TRMT9B: variants seen among roughly 807,000 people sequenced by gnomAD.
The protein encoded by TRMT9B is tRNA methyltransferase 9B (putative).
In TRMT9B, 16 loss-of-function variants were observed where a neutral mutation model predicts 11.5. The ratio of observed to expected loss-of-function variants is 1.39; its 90% CI spans 0.94 to 2.11. The LOEUF is 2.11. Ranked by LOEUF, TRMT9B falls within the 30% of genes most tolerant of loss-of-function variation. The pLI, the probability that TRMT9B is intolerant of heterozygous loss-of-function variation, is 0.00. For missense variants in TRMT9B, 941 were observed against 553.8 expected (o/e 1.70, Z -7.02); for synonymous variants, 274 against 192.4 (o/e 1.42, Z -3.51).
chr8:13,014,623 G>C (rs754393647), intron 4 of TRMT9B, among the ~76,000 whole-genome samples: 1 of 152,232 alleles, frequency 6.6e-6, no homozygotes, highest in East Asian at 1.9e-4. Flanking sequence ...TTAGGGCTTC[G>C]ACATGTTGGT....
At chr8:13,000,148 T>A (rs1281205156) in intron 2 of TRMT9B, among the ~76,000 whole-genome samples, 2 of 152,160 alleles carry the variant, frequency 1.3e-5, no homozygotes, top group African/African-American at 4.8e-5. Flanking sequence ...GAACATTTCA[T>A]TGCAGTGATA....
At chr8:13,016,857 G>GCCCC (rs1812805486) in intron 4 of TRMT9B, among the ~76,000 whole-genome samples, 1 of 148,574 alleles carries the variant, frequency 6.7e-6, no homozygotes, top group Admixed American at 6.9e-5. Context: ...TAGTATGTGG[G>GCCCC]CCCCCACAAT....
chr8:12,992,527 A>G (rs960863942), intron 2 of TRMT9B, among the ~76,000 whole-genome samples: 4 of 151,904 alleles, frequency 2.6e-5, no homozygotes, highest in Non-Finnish European at 5.9e-5. Context: ...ACAAACTTAG[A>G]TGGTCATGAA....
chr8:12,973,886 G>A (rs934174227), intron 1 of TRMT9B, among the ~76,000 whole-genome samples: 1 of 152,170 alleles, frequency 6.6e-6, no homozygotes, highest in African/African-American at 2.4e-5. Flanking sequence ...TTGGCCATAT[G>A]CGGTGGCTCA....
At chr8:12,993,052 T>G (rs1243521735) in intron 2 of TRMT9B, among the ~76,000 whole-genome samples, 1 of 152,124 alleles carries the variant, frequency 6.6e-6, no homozygotes, top group Non-Finnish European at 1.5e-5. Flanking sequence ...AGCAAAGACC[T>G]GAATAAGGTC....
At chr8:12,978,537 TAGATAGATAGATA>T (rs1804825260) in intron 1 of TRMT9B, among the ~76,000 whole-genome samples, 1 of 151,722 alleles carries the variant, frequency 6.6e-6, no homozygotes, top group Non-Finnish European at 1.5e-5. Flanking sequence ...GATAGATAGA[TAGATAGATAGATA>T]GATAGATAGA....
chr8:13,015,333 C>T (rs563186126), intron 4 of TRMT9B, among the ~76,000 whole-genome samples: 11 of 151,934 alleles, frequency 7.2e-5, no homozygotes, highest in Non-Finnish European at 1.2e-4. Context: ...TGTCTCGCCT[C>T]CCTAACCTTC....
chr8:12,961,807 C>T (rs1254398438), intron 1 of TRMT9B: 1 of 151,740 alleles, frequency 6.6e-6, no homozygotes, highest in Non-Finnish European at 1.5e-5. Flanking sequence ...ATTAACAAAA[C>T]AGAGCAGCTC....
chr8:12,963,778 TA>T, intron 1 of TRMT9B, among the ~76,000 whole-genome samples: 1 of 152,202 alleles, frequency 6.6e-6, no homozygotes, highest in Non-Finnish European at 1.5e-5. Flanking sequence ...ACAAGTTTTT[TA>T]AAACCTTGTG....
At chr8:12,997,288 T>A (rs1808536977) in intron 2 of TRMT9B, among the ~76,000 whole-genome samples, 1 of 129,990 alleles carries the variant, frequency 7.7e-6, no homozygotes, top group African/African-American at 2.6e-5. Context: ...TCAGTTCACA[T>A]GAGAGCTGGT....
At chr8:12,965,455 C>A (rs574750801) in intron 1 of TRMT9B, among the ~76,000 whole-genome samples, 1 of 152,158 alleles carries the variant, frequency 6.6e-6, no homozygotes, top group Non-Finnish European at 1.5e-5. Context: ...GTGTGGCCAG[C>A]CTTCCCCAGC....
rs1585477461 is a variant in TRMT9B, at chr8:13,028,800, T to C, written c.*6756T>C. The C allele has an allele frequency of 6.0e-6, 1 of 166,536 alleles. No individual in the cohort carries two copies. 10.3% of individuals were successfully genotyped at this position (166,536 alleles called of 1,614,324 possible). A position where few individuals can be genotyped will look rare whatever the true frequency, so the allele number is the denominator to read the frequency against. On this transcript the variant is annotated 3_prime_UTR_variant, in exon 5 of 5. Transcript: ENST00000524591. The stretch of plus-strand genomic sequence containing the variant: ...TTCACCATGTTGGCCAGGCTGGTCT[T>C]GAACTCCTGACCTCTTACGAGCTAA...
intron 1 of TRMT9B, among the ~76,000 whole-genome samples, chr8:12,946,883 A>C (rs1316933990): frequency 6.6e-6 from 1 of 152,192 alleles, no homozygotes; most frequent in African/African-American, 2.4e-5. Context: ...TTCCCTATGT[A>C]CCTTGAGAAG....
chr8:13,009,435 C>G (rs1359197234), intron 3 of TRMT9B, among the ~76,000 whole-genome samples: 1 of 152,100 alleles, frequency 6.6e-6, no homozygotes, highest in Admixed American at 6.6e-5. Flanking sequence ...ATAGGTAACC[C>G]ACTGATACGG....
intron 1 of TRMT9B, among the ~76,000 whole-genome samples, chr8:12,977,138 C>T (rs1804582660): frequency 6.6e-6 from 1 of 152,226 alleles, no homozygotes; most frequent in African/African-American, 2.4e-5. Context: ...TTGCTGCCCT[C>T]TCCAGGTTGG....
rs531255356 is a variant in TRMT9B at position 13,024,749 on chromosome 8, T to G, written c.*2705T>G. ...GTTTGACAGGGGTGTAAATAAAGCA[T>G]GCTGACTAATAAGTCTTTTACTCTT... On this transcript the variant is annotated 3_prime_UTR_variant, in exon 5 of 5. Transcript: ENST00000524591. 3.0e-5 allele frequency: 5 copies of G among 167,084 alleles called. No individual in the cohort carries two copies. The highest frequency in any genetic ancestry group is 9.6e-5 in the African/African-American group (4 of 41,466). 10.4% of individuals were successfully genotyped at this position (167,084 alleles called of 1,614,324 possible).
chr8:13,010,695 C>A lies in TRMT9B; in HGVS notation c.155-1989C>A, dbSNP rs577839284. ...TGTATGAGTCTGATTTTATTAATAT[C>A]ATTGAAGTAACTTTCCCTTTCATTT... On this transcript the variant is annotated intron_variant, in intron 3 of 4. Coordinates refer to ENST00000524591, the MANE Select transcript of TRMT9B (RefSeq NM_020844.3). 7.1e-6 allele frequency: 7 copies of A among 984,786 alleles called. No individual in the cohort carries two copies. The South Asian group carries it at 1.9e-4, about 26-fold the overall frequency. The allele number at this position is 984,786 out of a possible 1,614,324, so 61.0% of individuals were successfully genotyped here. A position where few individuals can be genotyped will look rare whatever the true frequency, so the allele number is the denominator to read the frequency against.
At chr8:12,946,127 G>C (rs1800253381) in intron 1 of TRMT9B, among the ~76,000 whole-genome samples, 161 bp downstream of exon 1, 2 of 152,140 alleles carry the variant, frequency 1.3e-5, no homozygotes, top group Non-Finnish European at 2.9e-5. Context: ...ATGAATCTTT[G>C]TTGAATAAAA....
At chr8:12,999,372 T>C (rs1808972353) in intron 2 of TRMT9B, among the ~76,000 whole-genome samples, 1 of 151,256 alleles carries the variant, frequency 6.6e-6, no homozygotes, top group African/African-American at 2.4e-5. Flanking sequence ...GAGGGGTGAT[T>C]TATTGGGGGA....
Sources: gnomAD v4.1 joint callset for allele counts (sites outside exome capture counted in the v4.1 genomes callset) on GRCh38, gnomAD v4.1.1 for gene constraint, MANE v1.5 for transcripts, NCBI Gene and HGNC (gene_info 2026-07-23, HGNC 2026-07-21) for gene names.